The following MARCHF1 variants were observed in gnomAD, a reference collection of about 807,000 sequenced individuals.
MARCHF1 encodes E3 ubiquitin-protein ligase MARCHF1.
Under a neutral mutation model 54.2 loss-of-function variants are expected in MARCHF1, and 40 were observed. That is an observed-to-expected ratio of 0.74 (90% CI 0.57 to 0.96). The LOEUF is 0.96. Ranked by LOEUF, MARCHF1 falls within the 40% of genes least tolerant of loss-of-function variation. The probability of loss-of-function intolerance (pLI) is 0.00; values close to 1 mark genes in which losing one functional copy is unlikely to be tolerated. For synonymous variants in MARCHF1, 236 were observed against 236.3 expected, an observed-to-expected ratio of 1.00 and a Z score of 0.01; for missense variants, 586 against 656.5, an observed-to-expected ratio of 0.89 and a Z score of 1.17.
intron 3 of MARCHF1, among the ~76,000 whole-genome samples, chr4:163,930,991 G>A (rs1164462839): frequency 6.6e-6 from 1 of 152,002 alleles, no homozygotes; most frequent in East Asian, 1.9e-4. Flanking sequence ...CTAGAGATGG[G>A]GACTTTAGGA....
At chr4:164,325,711 G>A (rs1159957034) in intron 1 of MARCHF1, among the ~76,000 whole-genome samples, 1 of 151,842 alleles carries the variant, frequency 6.6e-6, no homozygotes, top group Non-Finnish European at 1.5e-5. Context: ...TGGGTGACAA[G>A]AGCGAGACTC....
intron 1 of MARCHF1, among the ~76,000 whole-genome samples, chr4:164,183,342 A>G (rs1379486121): frequency 6.6e-6 from 1 of 152,080 alleles, no homozygotes; most frequent in African/African-American, 2.4e-5. Flanking sequence ...TATCTGTTCA[A>G]ATCTTTACTT....
intron 4 of MARCHF1, among the ~76,000 whole-genome samples, chr4:163,728,057 C>G (rs1579234143): frequency 6.6e-6 from 1 of 152,252 alleles, no homozygotes; most frequent in African/African-American, 2.4e-5. Context: ...TCTGGGCTCT[C>G]TGTTCTGTTT....
chr4:163,625,690 T>A lies in MARCHF1; in HGVS notation c.163-12297A>T, dbSNP rs1741846740. ...TCAGTCCAAAGTTTTATGTAAGTCA[T>A]GAGGCTCTTTCTTTGGACTTCAGAG... On this transcript the variant is annotated intron_variant, in intron 5 of 9. Transcript: ENST00000514618. 2.0e-5 allele frequency among the ~76,000 whole-genome samples: 3 copies of A among 152,352 alleles called. 1 individual carries two copies. In the South Asian group the frequency reaches 6.2e-4, roughly 32 times the overall value.
chr4:164,379,988 A>C (rs536868400), intron 1 of MARCHF1, among the ~76,000 whole-genome samples: 1 of 152,104 alleles, frequency 6.6e-6, no homozygotes, highest in African/African-American at 2.4e-5. Flanking sequence ...GAAAAAAAAA[A>C]AACTGCCAAA....
Position 164,313,566 on chromosome 4 carries a change from T to C in MARCHF1, c.-323+70304A>G, listed in dbSNP as rs570997823. Among the ~76,000 whole-genome samples the C allele has an allele frequency of 5.3e-5, 8 of 152,232 alleles. No individual in the cohort carries two copies. The East Asian group carries it at 7.7e-4, about 15-fold the overall frequency. On this transcript the variant is annotated intron_variant, in intron 1 of 9. Transcript: ENST00000514618. ...AGACATGCCAGGCAGAGTAGTGAAGTGGGTATGGTCTCTGCCAGGGCTCCA... is the reference window on the plus strand; with the variant it reads ...AGACATGCCAGGCAGAGTAGTGAAGCGGGTATGGTCTCTGCCAGGGCTCCA...
At chr4:164,050,284 A>C (rs1246204912) in intron 2 of MARCHF1, among the ~76,000 whole-genome samples, 2 of 141,468 alleles carry the variant, frequency 1.4e-5, no homozygotes, top group South Asian at 2.2e-4. Flanking sequence ...CCAAAAAAAA[A>C]AAAAAAAAAA....
In MARCHF1 at chr4:164,158,827, C is replaced by CATTCCCTCTAT. The variant is rs70952604; in HGVS notation, c.-322-47176_-322-47166dup. Among the ~76,000 whole-genome samples the CATTCCCTCTAT allele has an allele frequency of 3.0e-3, 461 of 152,216 alleles. 1 individual carries two copies. Among genetic ancestry groups the CATTCCCTCTAT allele is most frequent in the Middle Eastern group, 6.8e-3 (2 of 294 alleles). On this transcript the variant is annotated intron_variant, in intron 1 of 9. Coordinates refer to ENST00000514618, the MANE Select transcript of MARCHF1 (RefSeq NM_001394959.1). The stretch of plus-strand genomic sequence containing the variant: ...CGCCAAAAATGTACTTTTTAGCCTC[C>CATTCCCTCTAT]ATTCCCTCTATTCTTCCTTTTCTTC...
intron 1 of MARCHF1, among the ~76,000 whole-genome samples, chr4:164,230,012 C>T (rs1473305239): frequency 6.6e-6 from 1 of 152,146 alleles, no homozygotes; most frequent in Non-Finnish European, 1.5e-5. Flanking sequence ...TTTCTGGGCT[C>T]AAGCAATCTT....
intron 1 of MARCHF1, among the ~76,000 whole-genome samples, chr4:164,181,460 CA>C (rs1243881127): frequency 6.6e-6 from 1 of 152,104 alleles, no homozygotes; most frequent in Non-Finnish European, 1.5e-5. Context: ...TCAAGAACTA[CA>C]ACTAATTTCA....
intron 9 of MARCHF1, among the ~76,000 whole-genome samples, chr4:163,533,497 T>C (rs9993479): frequency 0.012 from 1,870 of 151,882 alleles, 35 homozygotes; most frequent in African/African-American, 0.043. Context: ...AATGTAACTA[T>C]GAACTTTAAT....
chr4:163,684,925 T>C (rs1744220067), intron 5 of MARCHF1, among the ~76,000 whole-genome samples: 2 of 152,264 alleles, frequency 1.3e-5, no homozygotes, highest in Non-Finnish European at 2.9e-5. Context: ...CATAAATGTA[T>C]CTTGTTTCCA....
intron 1 of MARCHF1, among the ~76,000 whole-genome samples, chr4:164,176,941 GCT>G (rs57770641): frequency 0.018 from 1,021 of 57,904 alleles, 22 homozygotes; most frequent in East Asian, 0.022. Context: ...TACCTTGTGC[GCT>G]CTCTCTCTCT....
intron 1 of MARCHF1, among the ~76,000 whole-genome samples, chr4:164,336,976 AAAAG>A (rs541766256): frequency 6.6e-5 from 10 of 152,120 alleles, no homozygotes; most frequent in East Asian, 1.9e-4. Flanking sequence ...AGGAAAGAAG[AAAAG>A]AAAGAAAGGA....
In MARCHF1 at chr4:163,729,216, A is replaced by C. The variant is rs944537293; in HGVS notation, c.112-28353T>G. On this transcript the variant is annotated intron_variant, in intron 4 of 9. Coordinates refer to ENST00000514618, the MANE Select transcript of MARCHF1 (RefSeq NM_001394959.1). ...CTCCATCTATGTTCCTGGAGGAAAC[A>C]AAAAAAGAAAATGCCTTTTTTTGTT... 2.0e-5 allele frequency among the ~76,000 whole-genome samples: 3 copies of C among 152,210 alleles called. No individual in the cohort carries two copies. The East Asian group carries it at 5.8e-4, about 29-fold the overall frequency.
chr4:163,809,084 A>C (rs1377696539), intron 4 of MARCHF1, among the ~76,000 whole-genome samples: 2 of 152,000 alleles, frequency 1.3e-5, no homozygotes, highest in Non-Finnish European at 2.9e-5. Context: ...CCCGGCTTTC[A>C]TTCCACCTTT....
chr4:163,545,737 T>C lies in MARCHF1; in HGVS notation c.1198A>G (p.Lys400Glu). The change falls in exon 9 of 10, where the codon AAA (lysine) becomes GAA (glutamate). Residue 400 changes from lysine to glutamate, a missense_variant. Physicochemically the swap from Lys to Glu is moderately conservative, Grantham distance 56. This residue lies in a region of MARCHF1 where 93 missense variants were observed against 168.2 expected (regional missense o/e 0.55). Coordinates refer to ENST00000514618, the MANE Select transcript of MARCHF1 (RefSeq NM_001394959.1). Reference sequence around the variant, plus strand: ...CTTTCACTTGTGGTCATCTGTAGTTTCTCCCACTGCAATCAGAAATGAAGG... The same window carrying C: ...CTTTCACTTGTGGTCATCTGTAGTTCCTCCCACTGCAATCAGAAATGAAGG... The part of the protein sequence containing the change: ...TKLKPLRKWE[K>E]LQMTTSERRK... The C allele has an allele frequency of 6.2e-7, 1 of 1,612,620 alleles. No homozygotes were observed. The highest frequency in any genetic ancestry group is 8.5e-7 in the Non-Finnish European group (1 of 1,179,580).
intron 4 of MARCHF1, among the ~76,000 whole-genome samples, chr4:163,720,637 A>G (rs1333969879): frequency 6.6e-6 from 1 of 152,106 alleles, no homozygotes; most frequent in African/African-American, 2.4e-5. Context: ...CATTTTCACG[A>G]TATTGATTCT....
At chr4:163,658,252 A>T (rs756600897) in intron 5 of MARCHF1, among the ~76,000 whole-genome samples, 2 of 152,118 alleles carry the variant, frequency 1.3e-5, no homozygotes, top group Non-Finnish European at 2.9e-5. Flanking sequence ...AAGGACATCA[A>T]CAGATGCTTC....
Sources: allele counts gnomAD v4.1 joint callset (sites outside exome capture counted in the v4.1 genomes callset), GRCh38; gene constraint gnomAD v4.1.1; regional missense constraint gnomAD v4.1.1; transcripts MANE v1.5; gene names NCBI Gene and HGNC (gene_info 2026-07-23, HGNC 2026-07-21).